The following ARHGAP32 variants were observed in gnomAD, a reference collection of about 807,000 sequenced individuals.
ARHGAP32 encodes rho GTPase-activating protein 32.
A neutral mutation model predicts 186.5 loss-of-function variants in ARHGAP32; 51 were observed. The ratio of observed to expected loss-of-function variants is 0.27; its 90% CI spans 0.22 to 0.35. The LOEUF is 0.35. Among genes scored for constraint, ARHGAP32 ranks in the 10% least tolerant of loss-of-function variants. The pLI is 1.00. For synonymous variants in ARHGAP32, 950 were observed against 964.3 expected, an observed-to-expected ratio of 0.99 and a Z score of 0.27; for missense variants, 2,186 against 2,623.5, an observed-to-expected ratio of 0.83 and a Z score of 3.64.
At chr11:129,039,865 A>G (rs1310826094) in intron 11 of ARHGAP32, among the ~76,000 whole-genome samples, 1 of 152,210 alleles carries the variant, frequency 6.6e-6, no homozygotes, top group South Asian at 2.1e-4. Flanking sequence ...AAATTGCTTC[A>G]AAAAGAACTG....
intron 1 of ARHGAP32, among the ~76,000 whole-genome samples, chr11:129,235,094 C>A (rs1299663968): frequency 1.3e-5 from 2 of 152,156 alleles, no homozygotes; most frequent in African/African-American, 4.8e-5. Context: ...TTATAAGAGA[C>A]AGAAGAGGCA....
At chr11:129,039,702 C>T (rs890066642) in intron 11 of ARHGAP32, among the ~76,000 whole-genome samples, 3 of 152,042 alleles carry the variant, frequency 2.0e-5, no homozygotes, top group South Asian at 2.1e-4. Context: ...GCACGATATG[C>T]GAATTTTATC....
intron 2 of ARHGAP32, among the ~76,000 whole-genome samples, chr11:129,144,742 A>G (rs757473052): frequency 1.3e-5 from 2 of 152,192 alleles, no homozygotes; most frequent in Non-Finnish European, 2.9e-5. Flanking sequence ...GAACAACAGG[A>G]TGAGAAGACT....
chr11:129,274,050 C>T (rs1304512410), intron 1 of ARHGAP32, among the ~76,000 whole-genome samples: 1 of 151,112 alleles, frequency 6.6e-6, no homozygotes, highest in East Asian at 1.9e-4. Context: ...TTTTGAAAGC[C>T]AGAATTTTAC....
intron 11 of ARHGAP32, among the ~76,000 whole-genome samples, chr11:129,002,901 C>T (rs545600961): frequency 4.7e-5 from 7 of 149,176 alleles, no homozygotes; most frequent in East Asian, 2.0e-4. Flanking sequence ...CTCCGCCTCC[C>T]GGGTTCACGC....
rs746790439 is a variant in ARHGAP32, at chr11:129,064,921, T to A, written c.682A>T (p.Met228Leu). ...LKDSPESVTQMLMAYLSRLSA... is the reference protein window; with the variant it reads ...LKDSPESVTQLLMAYLSRLSA... ...AGGCGTGACAGGTAAGCCATAAGCA[T>A]CTGAGTGACCGACTGAAAAGAAAAA... Residue 228 changes from methionine (M) to leucine (L), a missense_variant, in exon 8 of 23, where the codon ATG (methionine) becomes TTG (leucine). Physicochemically the swap from Met to Leu is conservative, Grantham distance 15. Transcript: ENST00000682385. 8 of 1,589,820 alleles carry A rather than the reference T, an allele frequency of 5.0e-6. No individual in the cohort carries two copies. Among genetic ancestry groups the A allele is most frequent in the Non-Finnish European group, 6.0e-6 (7 of 1,167,874 alleles).
intron 1 of ARHGAP32, among the ~76,000 whole-genome samples, chr11:129,272,676 G>A (rs528274859): frequency 2.6e-5 from 4 of 152,138 alleles, no homozygotes; most frequent in Admixed American, 1.3e-4. Flanking sequence ...GTAACAAAAG[G>A]CATGGATGCT....
intron 11 of ARHGAP32, among the ~76,000 whole-genome samples, chr11:129,022,338 T>C (rs1233298016): frequency 2.6e-5 from 4 of 152,168 alleles, no homozygotes; most frequent in African/African-American, 4.8e-5. Flanking sequence ...GTGTGGAACT[T>C]TGATACTATC....
At chr11:129,189,362 C>G (rs1026423654) in intron 1 of ARHGAP32, among the ~76,000 whole-genome samples, 2 of 152,082 alleles carry the variant, frequency 1.3e-5, no homozygotes, top group Non-Finnish European at 2.9e-5. Context: ...AAAATGATAC[C>G]TGCTTTATAG....
intron 1 of ARHGAP32, among the ~76,000 whole-genome samples, chr11:129,262,666 G>A (rs559369563): frequency 6.6e-6 from 1 of 152,028 alleles, no homozygotes; most frequent in South Asian, 2.1e-4. Flanking sequence ...CAAAGTGCTG[G>A]GATTACAGAC....
intron 1 of ARHGAP32, among the ~76,000 whole-genome samples, chr11:129,165,955 C>A (rs981772165): frequency 6.6e-6 from 1 of 151,688 alleles, no homozygotes; most frequent in African/African-American, 2.4e-5. Context: ...AAATTTTTAT[C>A]AAATTGCTAA....
chr11:129,049,622 T>C (rs980191160), intron 10 of ARHGAP32, among the ~76,000 whole-genome samples: 2 of 152,220 alleles, frequency 1.3e-5, no homozygotes, highest in Non-Finnish European at 2.9e-5. Flanking sequence ...TTTACATAAA[T>C]GAAGTCTTAT....
At chr11:129,135,672 C>T (rs186884350) in intron 2 of ARHGAP32, among the ~76,000 whole-genome samples, 1 of 152,150 alleles carries the variant, frequency 6.6e-6, no homozygotes, top group Admixed American at 6.5e-5. Context: ...GAGGCTGAGG[C>T]AGGAGAATGG....
chr11:129,107,297 C>T (rs533683901), intron 5 of ARHGAP32, among the ~76,000 whole-genome samples: 32 of 152,210 alleles, frequency 2.1e-4, no homozygotes, highest in African/African-American at 7.7e-4. Flanking sequence ...AACACTAGAC[C>T]TACCCCACAA....
chr11:129,160,824 A>C (rs1943513338), intron 2 of ARHGAP32, among the ~76,000 whole-genome samples: 1 of 152,146 alleles, frequency 6.6e-6, no homozygotes, highest in Non-Finnish European at 1.5e-5. Context: ...TTTCATATGG[A>C]ACCAAAAAAG....
chr11:129,050,483 G>T (rs1939998428), intron 10 of ARHGAP32, among the ~76,000 whole-genome samples: 1 of 152,134 alleles, frequency 6.6e-6, no homozygotes, highest in Admixed American at 6.5e-5. Context: ...CGGGACTACA[G>T]GCACATGCTA....
At chr11:129,193,726 A>ATATATTATATAT (rs1555111394), upstream of ARHGAP32, among the ~76,000 whole-genome samples, 228 of 85,696 alleles carry the variant, frequency 2.7e-3, 2 homozygotes, top group South Asian at 0.031. Flanking sequence ...ATTATATATT[A>ATATATTATATAT]TATATAATAT....
chr11:129,249,249 G>A (rs1945145746), intron 1 of ARHGAP32, among the ~76,000 whole-genome samples: 1 of 151,450 alleles, frequency 6.6e-6, no homozygotes, highest in African/African-American at 2.4e-5. Flanking sequence ...AAGAGGATTG[G>A]GTTTCACTAA....
intron 6 of ARHGAP32, among the ~76,000 whole-genome samples, chr11:129,092,166 G>A (rs993557240): frequency 6.6e-5 from 10 of 151,852 alleles, no homozygotes; most frequent in African/African-American, 1.9e-4. Flanking sequence ...ACAATTATAC[G>A]TTATAATATT....
Sources: allele counts gnomAD v4.1 joint callset (sites outside exome capture counted in the v4.1 genomes callset), GRCh38; gene constraint gnomAD v4.1.1; transcripts MANE v1.5; gene names NCBI Gene and HGNC (gene_info 2026-07-23, HGNC 2026-07-21).